NAV1: variants seen among roughly 807,000 people sequenced by gnomAD.
NAV1 encodes the protein neuron navigator 1, also known as pore membrane and/or filament interacting like protein 3.
Under a neutral mutation model 175.2 loss-of-function variants are expected in NAV1, and 18 were observed. That is an observed-to-expected ratio of 0.10 (90% confidence interval 0.07 to 0.15). NAV1 has a LOEUF of 0.15. NAV1 is among the 10% of genes least tolerant of loss of function. The pLI, the probability that NAV1 is intolerant of heterozygous loss-of-function variation, is 1.00. For synonymous variants in NAV1, 897 were observed against 978.7 expected (o/e 0.92, Z 1.56); for missense variants, 1,731 against 2,436.6 (o/e 0.71, Z 6.10).
intron 2 of NAV1, among the ~76,000 whole-genome samples, chr1:201,592,744 T>C (rs1174293722): frequency 1.3e-5 from 2 of 151,904 alleles, no homozygotes; most frequent in Non-Finnish European, 2.9e-5. Flanking sequence ...GCACAGGTCT[T>C]GGGGTCCAGG....
At chr1:201,602,651 G>GT (rs375268009) in intron 2 of NAV1, among the ~76,000 whole-genome samples, 4,501 of 112,308 alleles carry the variant, frequency 0.04, 76 homozygotes, top group Non-Finnish European at 0.057. Context: ...TTTTTTTTTG[G>GT]TTTTTTTTTT....
chr1:201,649,334 C>T lies in NAV1; in HGVS notation c.666C>T (p.Gly222=), dbSNP rs377640637. The T allele has an allele frequency of 1.1e-5, 18 of 1,611,608 alleles. No homozygotes were observed. In the African/African-American group the frequency reaches 2.0e-4, roughly 18 times the overall value. Reference sequence around the variant, plus strand: ...CTGGGCCTGTCCCCTCTGCCAAGGGCCAGGAGGAGCGCGCCTTCCTCAAGG... The same window carrying T: ...CTGGGCCTGTCCCCTCTGCCAAGGGTCAGGAGGAGCGCGCCTTCCTCAAGG... Residue 222 remains glycine (G), a synonymous_variant, in exon 1 of 30, where the codon GGC becomes GGT. Coordinates refer to ENST00000367296, the Ensembl canonical transcript of NAV1.
chr1:201,774,713 T>TCAAAGGCTACC (rs1354862414), intron 3 of NAV1, among the ~76,000 whole-genome samples: 1 of 152,170 alleles, frequency 6.6e-6, no homozygotes, highest in African/African-American at 2.4e-5. Context: ...CTCTCTCTAC[T>TCAAAGGCTACC]CAAAGGCTAC....
intron 1 of NAV1, among the ~76,000 whole-genome samples, chr1:201,666,155 C>T (rs1298920831): frequency 1.3e-5 from 2 of 152,018 alleles, no homozygotes; most frequent in African/African-American, 4.8e-5. Context: ...CGCTCCTTCC[C>T]CAGCAACACT....
chr1:201,574,708 C>T (rs1372077545), intron 1 of NAV1, among the ~76,000 whole-genome samples: 2 of 152,252 alleles, frequency 1.3e-5, no homozygotes, highest in East Asian at 3.8e-4. Flanking sequence ...AATTCTGTTG[C>T]CACTGCCAGA....
At chr1:201,696,160 A>G (rs1309987082) in intron 1 of NAV1, among the ~76,000 whole-genome samples, 1 of 151,404 alleles carries the variant, frequency 6.6e-6, no homozygotes, top group Non-Finnish European at 1.5e-5. Flanking sequence ...AGTCCCACAC[A>G]TGTGTTACCC....
At chr1:201,765,986 C>A (rs1450650747) in intron 3 of NAV1, among the ~76,000 whole-genome samples, 4 of 152,152 alleles carry the variant, frequency 2.6e-5, no homozygotes, top group African/African-American at 9.7e-5. Flanking sequence ...TAGGAAATGT[C>A]TTTTAAAAGT....
At chr1:201,610,178 C>A (rs945835688) in intron 2 of NAV1, among the ~76,000 whole-genome samples, 1 of 152,208 alleles carries the variant, frequency 6.6e-6, no homozygotes. Context: ...GGCCTCCAGC[C>A]CCCTGTGATT....
At chr1:201,582,738 C>T (rs1164639483) in intron 1 of NAV1, among the ~76,000 whole-genome samples, 1 of 152,182 alleles carries the variant, frequency 6.6e-6, no homozygotes, top group Non-Finnish European at 1.5e-5. Flanking sequence ...AGCCTGTCCT[C>T]GGGAATGGGA....
chr1:201,548,562 T>TA (rs146985000), intron 1 of NAV1, among the ~76,000 whole-genome samples: 6 of 151,920 alleles, frequency 3.9e-5, no homozygotes, highest in Non-Finnish European at 7.4e-5. Context: ...TCCCATCTCT[T>TA]AAAAAAATAA....
intron 3 of NAV1, among the ~76,000 whole-genome samples, chr1:201,744,718 A>G (rs1296363918): frequency 6.6e-6 from 1 of 152,176 alleles, no homozygotes; most frequent in East Asian, 1.9e-4. Flanking sequence ...TTGAAGAGAA[A>G]CTAAGAGTTT....
intron 17 of NAV1, 103 bp downstream of exon 21, chr1:201,804,600 A>ATT: frequency 1.1e-6 from 1 of 940,246 alleles, no homozygotes; most frequent in Non-Finnish European, 1.6e-6. Flanking sequence ...AAAAAAAAAA[A>ATT]AATGAATGAC....
upstream of NAV1, among the ~76,000 whole-genome samples, chr1:201,645,881 C>T (rs2102325280): frequency 2.6e-5 from 4 of 152,284 alleles, no homozygotes; most frequent in Admixed American, 2.6e-4. Flanking sequence ...GTGTGGTTCT[C>T]ATGTGATTGA....
chr1:201,784,464 A>G (rs1031726945), intron 7 of NAV1, among the ~76,000 whole-genome samples: 1 of 151,928 alleles, frequency 6.6e-6, no homozygotes, highest in Non-Finnish European at 1.5e-5. Context: ...GGCTGCCCAG[A>G]ATCTTTTCTT....
intron 10 of NAV1, 66 bp from the exon 15 acceptor site, chr1:201,789,674 A>G: frequency 7.1e-7 from 1 of 1,416,782 alleles, no homozygotes; most frequent in South Asian, 1.1e-5. Flanking sequence ...TGCCTTAGGG[A>G]GTCTTCCAAA....
chr1:201,592,938 G>T (rs1362719585), intron 2 of NAV1, among the ~76,000 whole-genome samples: 1 of 152,084 alleles, frequency 6.6e-6, no homozygotes, highest in Non-Finnish European at 1.5e-5. Context: ...TCAATTTGGG[G>T]CTACGTCCTC....
At chr1:201,697,355 G>C (rs2102432096) in intron 1 of NAV1, among the ~76,000 whole-genome samples, 1 of 152,322 alleles carries the variant, frequency 6.6e-6, no homozygotes, top group Middle Eastern at 3.4e-3. Context: ...CTTTTTGATG[G>C]AGGAGCAGAT....
At chr1:201,783,480 T>C in exon 7 of NAV1, 2 of 1,614,214 alleles carry the variant, frequency 1.2e-6, no homozygotes, top group Non-Finnish European at 8.5e-7. Flanking sequence ...AGTCTGGATC[T>C]ACCATCATCC....
At chr1:201,637,397 G>A (rs1027780424) in intron 2 of NAV1, among the ~76,000 whole-genome samples, 12 of 152,176 alleles carry the variant, frequency 7.9e-5, no homozygotes, top group Non-Finnish European at 8.8e-5. Context: ...ATGTTTGATG[G>A]CTGGTACTGT....
Sources: gnomAD v4.1 joint callset for allele counts (sites outside exome capture counted in the v4.1 genomes callset) on GRCh38, gnomAD v4.1.1 for gene constraint, MANE v1.5 for transcripts, NCBI Gene and HGNC (gene_info 2026-07-23, HGNC 2026-07-21) for gene names.